The following HIPK2 variants were observed in gnomAD, a reference collection of about 807,000 sequenced individuals.
The protein encoded by HIPK2 is homeodomain interacting protein kinase 2.
Under a neutral mutation model 113.7 loss-of-function variants are expected in HIPK2, and 27 were observed. The observed-to-expected ratio is 0.24, with a 90% CI of 0.17 to 0.33. The LOEUF is 0.33. Among genes scored for constraint, HIPK2 ranks in the 10% least tolerant of loss-of-function variants. The pLI, the probability that HIPK2 is intolerant of heterozygous loss-of-function variation, is 1.00. For missense variants in HIPK2, 1,257 were observed against 1,588.0 expected (o/e 0.79, Z 3.54); for synonymous variants, 631 against 642.2 (o/e 0.98, Z 0.26).
chr7:139,690,061 G>A (rs1381793107), intron 2 of HIPK2, among the ~76,000 whole-genome samples: 1 of 151,480 alleles, frequency 6.6e-6, no homozygotes, highest in African/African-American at 2.4e-5. Flanking sequence ...AAGCGGTGGG[G>A]GCGGGGGTGG....
At chr7:139,690,548 C>T (rs202023560) in intron 2 of HIPK2, among the ~76,000 whole-genome samples, 2 of 152,054 alleles carry the variant, frequency 1.3e-5, no homozygotes, top group East Asian at 3.8e-4. Context: ...TAAAAAAGAG[C>T]CAGCCCCAGC....
chr7:139,608,193 G>C (rs990711185), intron 9 of HIPK2, among the ~76,000 whole-genome samples: 4 of 151,708 alleles, frequency 2.6e-5, no homozygotes, highest in African/African-American at 9.7e-5. Flanking sequence ...ACAGTGAGCT[G>C]AGATTGCACC....
chr7:139,618,258 A>G (rs2116822701), intron 7 of HIPK2, among the ~76,000 whole-genome samples: 1 of 152,356 alleles, frequency 6.6e-6, no homozygotes, highest in South Asian at 2.1e-4. Flanking sequence ...ATTAGTAATG[A>G]TGTTATTTAA....
intron 2 of HIPK2, among the ~76,000 whole-genome samples, chr7:139,662,368 A>C (rs1179621087): frequency 6.6e-6 from 1 of 152,236 alleles, no homozygotes; most frequent in African/African-American, 2.4e-5. Flanking sequence ...CTCTCTGAGA[A>C]TGTTATGAAG....
In HIPK2 at chr7:139,714,414, G is replaced by A. The variant is rs1219940276; in HGVS notation, c.1103+1518C>T. Among the ~76,000 whole-genome samples the A allele has an allele frequency of 6.6e-6, 1 of 152,188 alleles. No individual in the cohort carries two copies. Among genetic ancestry groups the A allele is most frequent in the East Asian group, 1.9e-4 (1 of 5,180 alleles). On this transcript the variant is annotated intron_variant, in intron 2 of 14. Coordinates refer to ENST00000406875, the MANE Select transcript of HIPK2 (RefSeq NM_022740.5). This position sits in a 1 kb window ranked among gnomAD's most constrained non-coding sequence, Gnocchi z 4.2. ...TTGCTCTCCCAGGGAAGGAGGGCCT[G>A]GTGCCCAGCAGGCTGAGGGAGGGGC...
rs556118789 is a variant in HIPK2 at position 139,563,213 on chromosome 7, C to T, written c.*9714G>A. On this transcript the variant is annotated 3_prime_UTR_variant, in exon 15 of 15. Coordinates refer to ENST00000406875, the MANE Select transcript of HIPK2 (RefSeq NM_022740.5). ...ACATGGTCAAGTCACTTTCTACTTC[C>T]CAAGTTCCTCCTTATAACCTGAGCC... is the stretch of plus-strand genomic sequence containing the variant. The T allele has an allele frequency of 2.4e-3, 361 of 152,686 alleles. 1 individual carries two copies. Among genetic ancestry groups the T allele is most frequent in the South Asian group, 4.4e-3 (21 of 4,824 alleles). The allele number at this position is 152,686 out of a possible 1,614,324, so 9.5% of individuals were successfully genotyped here.
chr7:139,681,101 A>C (rs1802684192), intron 2 of HIPK2, among the ~76,000 whole-genome samples: 1 of 152,220 alleles, frequency 6.6e-6, no homozygotes, highest in Admixed American at 6.5e-5. Context: ...ATCTCTCCTG[A>C]TATAAATGTA....
intron 2 of HIPK2, among the ~76,000 whole-genome samples, chr7:139,680,001 A>C (rs1802640076): frequency 6.6e-6 from 1 of 152,154 alleles, no homozygotes; most frequent in African/African-American, 2.4e-5. Context: ...AGTTCGCTGC[A>C]AATGTATGCA....
chr7:139,752,473 C>T (rs1352345428), intron 1 of HIPK2, among the ~76,000 whole-genome samples: 1 of 152,024 alleles, frequency 6.6e-6, no homozygotes, highest in East Asian at 1.9e-4. Flanking sequence ...TTCTCCCTCA[C>T]CTCTCCCCCT....
intron 1 of HIPK2, among the ~76,000 whole-genome samples, chr7:139,735,502 A>G (rs1795911334): frequency 6.6e-6 from 1 of 152,230 alleles, no homozygotes; most frequent in Non-Finnish European, 1.5e-5. Context: ...AGCAGCATCC[A>G]GGAATATCTG....
At chr7:139,717,153 G>A (rs1187826129) in intron 1 of HIPK2, 138 bp from the exon 2 acceptor site, 2 of 1,179,530 alleles carry the variant, frequency 1.7e-6, no homozygotes, top group Non-Finnish European at 1.2e-6. Context: ...GGTTGAAAAA[G>A]TGAATCTCTT....
chr7:139,581,370 C>G (rs548458558), intron 13 of HIPK2, among the ~76,000 whole-genome samples: 77 of 152,292 alleles, frequency 5.1e-4, no homozygotes, highest in Admixed American at 1.1e-3. Context: ...GGGCTCAGGT[C>G]CCCGGGGTTC....
chr7:139,669,786 T>C (rs1348456141), intron 2 of HIPK2, among the ~76,000 whole-genome samples: 2 of 152,206 alleles, frequency 1.3e-5, no homozygotes, highest in South Asian at 2.1e-4. Flanking sequence ...ATTACAAACA[T>C]TACAAATGTG....
At chr7:139,699,318 A>G (rs1794645606) in intron 2 of HIPK2, among the ~76,000 whole-genome samples, 1 of 152,102 alleles carries the variant, frequency 6.6e-6, no homozygotes, top group South Asian at 2.1e-4. Context: ...GGCAAAACAA[A>G]CTCAGCAATC....
intron 5 of HIPK2, among the ~76,000 whole-genome samples, chr7:139,627,358 G>A (rs568662659): frequency 4.2e-4 from 62 of 149,366 alleles, no homozygotes; most frequent in African/African-American, 1.5e-3. Context: ...AACCTTTAGA[G>A]GGAAGTGGAA....
chr7:139,676,060 C>T lies in HIPK2; in HGVS notation c.1103+39872G>A, dbSNP rs576905574. ...GCATCGTCACTTTGCAATGGGGCCC[C>T]CTAAGGTAACTGCGCTCATTTTTGT... On this transcript the variant is annotated intron_variant, in intron 2 of 14. Coordinates refer to ENST00000406875, the MANE Select transcript of HIPK2 (RefSeq NM_022740.5). Among the ~76,000 whole-genome samples, 148 of 152,302 alleles carry T rather than the reference C, an allele frequency of 9.7e-4. 1 individual carries two copies. The highest frequency in any genetic ancestry group is 3.4e-3 in the African/African-American group (141 of 41,564).
intron 2 of HIPK2, among the ~76,000 whole-genome samples, chr7:139,698,540 T>C (rs1454529988): frequency 5.3e-5 from 8 of 152,244 alleles, no homozygotes; most frequent in African/African-American, 1.7e-4. Context: ...GCCAAACTGT[T>C]TTCTACAGTG....
chr7:139,754,975 T>C (rs1796341046), intron 1 of HIPK2, among the ~76,000 whole-genome samples: 3 of 152,146 alleles, frequency 2.0e-5, no homozygotes, highest in Admixed American at 6.5e-5. Flanking sequence ...ATAAGTACTT[T>C]AAAAACAACA....
chr7:139,750,010 C>T (rs1156360189), intron 1 of HIPK2, among the ~76,000 whole-genome samples: 1 of 152,258 alleles, frequency 6.6e-6, no homozygotes, highest in Non-Finnish European at 1.5e-5. Flanking sequence ...CGCTCTCCAA[C>T]CTCCCGTCCA....
Sources: gnomAD v4.1 joint callset for allele counts (sites outside exome capture counted in the v4.1 genomes callset) on GRCh38, gnomAD v4.1.1 for gene constraint, Gnocchi (gnomAD v3.1) non-coding constraint, MANE v1.5 for transcripts, NCBI Gene and HGNC (gene_info 2026-07-23, HGNC 2026-07-21) for gene names.